Variants in ECT2 observed in about 807,000 individuals in gnomAD.
ECT2 encodes the protein epithelial cell transforming 2, also known as protein ECT2.
ECT2 carries 61 observed loss-of-function variants against 116.9 expected under a neutral mutation model. The observed-to-expected ratio is 0.52, with a 90% CI of 0.42 to 0.65. ECT2 has a LOEUF of 0.65. Ranked by LOEUF, ECT2 falls within the 30% of genes least tolerant of loss-of-function variation. The probability of loss-of-function intolerance (pLI) is 0.00; values close to 1 mark genes in which losing one functional copy is unlikely to be tolerated. For missense variants in ECT2, 937 were observed against 1,078.7 expected (o/e 0.87, Z 1.84); for synonymous variants, 358 against 346.4 (o/e 1.03, Z -0.37).
In ECT2 at chr3:172,762,944, C is replaced by G; in HGVS notation, c.1040C>G (p.Ala347Gly). ...GGAAGCATTCAAATGGATGCCCGAG[C>G]TGGAGAAACTATGTATTTATATGAA... ...FWGSIQMDARAGETMYLYEKA... is the reference protein window; with the variant it reads ...FWGSIQMDARGGETMYLYEKA... Residue 347 changes from alanine to glycine, a missense_variant, in exon 11 of 25, where the codon GCT becomes GGT. Transcript: ENST00000392692. The G allele has an allele frequency of 6.2e-7, 1 of 1,613,768 alleles. No individual in the cohort carries two copies. The highest frequency in any genetic ancestry group is 8.5e-7 in the Non-Finnish European group (1 of 1,179,798).
At position 172,762,789 on chromosome 3, in the gene ECT2, T is replaced by G; in HGVS notation, c.988T>G (p.Tyr330Asp). The G allele has an allele frequency of 6.2e-7, 1 of 1,612,698 alleles. No homozygotes were observed. The highest frequency in any genetic ancestry group is 8.5e-7 in the Non-Finnish European group (1 of 1,179,572). ...TCCCTTTGAACCTTCAAAGAAACTT[T>G]ATGTTGTCAAGCAAGAGGCAAGTAA... ...DLPFEPSKKL[Y>D]VVKQEWFWGS... Residue 330 changes from tyrosine (Y) to aspartate (D), a missense_variant, in exon 10 of 25, where the codon TAT (tyrosine) becomes GAT (aspartate). Physicochemically the swap from Tyr to Asp is radical, Grantham distance 160. Coordinates refer to ENST00000392692, the MANE Select transcript of ECT2 (RefSeq NM_001258315.2).
chr3:172,819,022 T>A (rs920825359), intron 24 of ECT2, among the ~76,000 whole-genome samples: 3 of 152,130 alleles, frequency 2.0e-5, no homozygotes, highest in African/African-American at 2.4e-5. Flanking sequence ...TTAGGAAAAT[T>A]ATCATTTTAA....
chr3:172,759,165 AAATAT>A, intron 6 of ECT2, 96 bp downstream of exon 6: 1 of 826,876 alleles, frequency 1.2e-6, no homozygotes, highest in Non-Finnish European at 1.8e-6. Flanking sequence ...TTTATTTTTA[AAATAT>A]TGAAGGATAA....
At chr3:172,751,196 C>CT (rs1715719127) in intron 1 of ECT2, 1 of 152,298 alleles carries the variant, frequency 6.6e-6, no homozygotes, top group Non-Finnish European at 1.5e-5. Flanking sequence ...CACTTGCAGC[C>CT]TTTGGGGGCT....
chr3:172,768,892 A>G lies in ECT2; in HGVS notation c.1292-115A>G, dbSNP rs913528602. 1.2e-5 allele frequency: 14 copies of G among 1,207,574 alleles called. No homozygotes were observed. In the African/African-American group the frequency reaches 2.0e-4, roughly 17 times the overall value. 74.8% of individuals were successfully genotyped at this position (1,207,574 alleles called of 1,614,324 possible). ...AAAAAATTTTTTATTGGAAATCTGTATGGTGGTACATTTATAAGAGTAGGT... is the reference window on the plus strand; with the variant it reads ...AAAAAATTTTTTATTGGAAATCTGTGTGGTGGTACATTTATAAGAGTAGGT... On this transcript the variant is annotated intron_variant, in intron 12 of 24. Coordinates refer to ENST00000392692, the MANE Select transcript of ECT2 (RefSeq NM_001258315.2).
intron 14 of ECT2, among the ~76,000 whole-genome samples, chr3:172,781,941 G>A (rs186209196): frequency 5.3e-5 from 8 of 152,182 alleles, no homozygotes; most frequent in African/African-American, 1.9e-4. Context: ...TAGGCTTATC[G>A]ACTTTACATT....
At chr3:172,823,160 C>CATTT (rs1334448029), downstream of ECT2, among the ~76,000 whole-genome samples, 1 of 152,018 alleles carries the variant, frequency 6.6e-6, no homozygotes, top group Non-Finnish European at 1.5e-5. Context: ...AACCAATACA[C>CATTT]TTAATTTCAA....
At chr3:172,772,537 C>T (rs897524979) in intron 13 of ECT2, among the ~76,000 whole-genome samples, 5 of 152,170 alleles carry the variant, frequency 3.3e-5, no homozygotes, top group Admixed American at 2.6e-4. Flanking sequence ...CTTTGTCAAA[C>T]ATGACTTGCA....
Position 172,757,068 on chromosome 3 carries a change from T to G in ECT2, c.389T>G (p.Val130Gly), listed in dbSNP as rs765876174. 2.5e-6 allele frequency: 4 copies of G among 1,611,092 alleles called. No individual in the cohort carries two copies. Among genetic ancestry groups the G allele is most frequent in the Non-Finnish European group, 3.4e-6 (4 of 1,178,940 alleles). Residue 130 changes from valine (V) to glycine (G), a missense_variant, in exon 5 of 25, where the codon GTC (valine) becomes GGC (glycine). Val to Gly is a moderately radical substitution (Grantham distance 109, BLOSUM62 -3). Transcript: ENST00000392692. Reference protein sequence around the residue: ...DSPEFENVFVVTDFQDSVFND... With the variant: ...DSPEFENVFVGTDFQDSVFND... ...CCGGAATTTGAAAATGTATTTGTAG[T>G]CACGGACTTTCAGGATTCTGTCTTT...
intron 17 of ECT2, among the ~76,000 whole-genome samples, chr3:172,785,798 C>A (rs1206668202): frequency 1.3e-5 from 2 of 152,074 alleles, no homozygotes; most frequent in African/African-American, 4.8e-5. Flanking sequence ...TTCTGTTTTG[C>A]AAATTATAAG....
At chr3:172,796,335 CATTG>C (rs1189244710) in intron 18 of ECT2, 3 of 152,154 alleles carry the variant, frequency 2.0e-5, no homozygotes, top group Non-Finnish European at 2.9e-5. Flanking sequence ...GTCAGGAGTG[CATTG>C]ATTGATATAG....
At chr3:172,793,156 T>A (rs1327287965) in intron 18 of ECT2, among the ~76,000 whole-genome samples, 1 of 152,146 alleles carries the variant, frequency 6.6e-6, no homozygotes, top group Non-Finnish European at 1.5e-5. Context: ...TTTCATTTTT[T>A]ATTTATTTTT....
the ECT2 span, among the ~76,000 whole-genome samples, chr3:172,827,900 T>TA: frequency 4.6e-5 from 7 of 152,330 alleles, no homozygotes; most frequent in Middle Eastern, 3.4e-3. Context: ...TTTCCACTTT[T>TA]TTAAGAGTTC....
chr3:172,819,118 T>C (rs1228983992), intron 24 of ECT2, among the ~76,000 whole-genome samples: 1 of 152,140 alleles, frequency 6.6e-6, no homozygotes, highest in Non-Finnish European at 1.5e-5. Flanking sequence ...AAAATTATGC[T>C]TTTAATATGC....
chr3:172,777,822 C>T (rs940071413), intron 14 of ECT2, among the ~76,000 whole-genome samples: 2 of 152,162 alleles, frequency 1.3e-5, no homozygotes, highest in Non-Finnish European at 2.9e-5. Context: ...TCGCTTGAAC[C>T]CAGGAGGCAG....
At chr3:172,789,902 A>T (rs761256474) in intron 18 of ECT2, among the ~76,000 whole-genome samples, 1 of 152,216 alleles carries the variant, frequency 6.6e-6, no homozygotes, top group East Asian at 1.9e-4. Context: ...TCCTTCTGCA[A>T]TTGAAATCTT....
At chr3:172,824,683 T>G (rs1408396166), downstream of ECT2, among the ~76,000 whole-genome samples, 1 of 152,216 alleles carries the variant, frequency 6.6e-6, no homozygotes, top group Non-Finnish European at 1.5e-5. Context: ...CTTCAAAATA[T>G]ATTCTGGAAA....
chr3:172,794,479 C>T (rs1725255694), intron 18 of ECT2, among the ~76,000 whole-genome samples: 1 of 152,144 alleles, frequency 6.6e-6, no homozygotes, highest in Non-Finnish European at 1.5e-5. Flanking sequence ...TATGCCAGTA[C>T]CACACTGCCT....
At chr3:172,770,270 A>G (rs1056695074) in intron 13 of ECT2, among the ~76,000 whole-genome samples, 3 of 152,334 alleles carry the variant, frequency 2.0e-5, no homozygotes, top group Admixed American at 2.0e-4. Context: ...TATACTATTC[A>G]TGTACTTTAG....
Sources: allele counts gnomAD v4.1 joint callset (sites outside exome capture counted in the v4.1 genomes callset), GRCh38; gene constraint gnomAD v4.1.1; transcripts MANE v1.5; gene names NCBI Gene and HGNC (gene_info 2026-07-23, HGNC 2026-07-21).